Variants in LRMDA observed in about 807,000 individuals in gnomAD.
LRMDA encodes leucine-rich melanocyte differentiation-associated protein.
Under a neutral mutation model 29.8 loss-of-function variants are expected in LRMDA, and 18 were observed. The ratio of observed to expected loss-of-function variants is 0.60; its 90% confidence interval spans 0.42 to 0.90. The LOEUF (loss-of-function observed/expected upper bound fraction) is 0.90, where lower values mean the gene tolerates loss of function less well. Ranked by LOEUF, LRMDA falls within the 40% of genes least tolerant of loss-of-function variation. LRMDA has a pLI of 0.00. For synonymous variants in LRMDA, 125 were observed against 109.4 expected (o/e 1.14, Z -0.89); for missense variants, 273 against 273.9 (o/e 1.00, Z 0.02).
At chr10:76,289,527 G>C (rs113413620) in intron 5 of LRMDA, among the ~76,000 whole-genome samples, 364 of 152,220 alleles carry the variant, frequency 2.4e-3, no homozygotes, top group African/African-American at 8.4e-3. Flanking sequence ...AGTTTATAAG[G>C]AGTTCAATAT....
intron 5 of LRMDA, among the ~76,000 whole-genome samples, chr10:76,250,537 T>C (rs1175344393): frequency 6.6e-6 from 1 of 152,192 alleles, no homozygotes; most frequent in East Asian, 1.9e-4. Context: ...AGGGTATCCG[T>C]TTCTCATCAT....
chr10:75,721,990 C>G (rs887491804), intron 2 of LRMDA, among the ~76,000 whole-genome samples: 1 of 151,974 alleles, frequency 6.6e-6, no homozygotes, highest in East Asian at 1.9e-4. Flanking sequence ...TTTTTTGACA[C>G]TTTTTTTTGG....
At chr10:76,405,286 CAG>C (rs1841891051) in intron 6 of LRMDA, among the ~76,000 whole-genome samples, 3 of 152,208 alleles carry the variant, frequency 2.0e-5, no homozygotes, top group Non-Finnish European at 2.9e-5. Context: ...GACTTGAAGA[CAG>C]AGGAAAGAAA....
At chr10:75,908,686 T>C (rs1845796952) in intron 2 of LRMDA, among the ~76,000 whole-genome samples, 1 of 152,176 alleles carries the variant, frequency 6.6e-6, no homozygotes, top group Non-Finnish European at 1.5e-5. Flanking sequence ...TGGAGCGTTG[T>C]TGCTGGGACT....
rs542919354 is a variant in LRMDA at position 75,737,078 on chromosome 10, C to T, written c.131+298584C>T. Among the ~76,000 whole-genome samples, 27 of 151,456 alleles carry T rather than the reference C, an allele frequency of 1.8e-4. No homozygotes were observed. The South Asian group carries it at 4.4e-3, about 25-fold the overall frequency. On this transcript the variant is annotated intron_variant, in intron 2 of 6. Transcript: ENST00000611255. ...GCACGCACGCACACACACACACACA[C>T]GCACATGCATGCACACACACACATG...
intron 2 of LRMDA, among the ~76,000 whole-genome samples, chr10:75,909,954 G>A (rs193109851): frequency 6.6e-6 from 1 of 152,082 alleles, no homozygotes; most frequent in African/African-American, 2.4e-5. Flanking sequence ...TGAAACCTCC[G>A]GTAGCTAATC....
intron 6 of LRMDA, among the ~76,000 whole-genome samples, chr10:76,436,813 T>C (rs1361873422): frequency 6.6e-6 from 1 of 152,208 alleles, no homozygotes; most frequent in Non-Finnish European, 1.5e-5. Flanking sequence ...GGCTGTGTTC[T>C]GATTGAGTTT....
intron 6 of LRMDA, among the ~76,000 whole-genome samples, chr10:76,429,235 C>G (rs1440661486): frequency 6.6e-6 from 1 of 152,086 alleles, no homozygotes; most frequent in East Asian, 1.9e-4. Flanking sequence ...ATGTCATGGA[C>G]TTAGCTCACC....
At chr10:76,324,911 A>G (rs189552350) in intron 6 of LRMDA, among the ~76,000 whole-genome samples, 3 of 152,284 alleles carry the variant, frequency 2.0e-5, no homozygotes, top group East Asian at 1.9e-4. Flanking sequence ...AGGAATTCCA[A>G]TTTGCCTGGC....
At chr10:75,898,620 A>G (rs1469507732) in intron 2 of LRMDA, among the ~76,000 whole-genome samples, 1 of 152,082 alleles carries the variant, frequency 6.6e-6, no homozygotes, top group Non-Finnish European at 1.5e-5. Context: ...GAAAAAAAAA[A>G]CACACATTTT....
chr10:75,805,604 G>T (rs1231451497), intron 2 of LRMDA, among the ~76,000 whole-genome samples: 1 of 152,100 alleles, frequency 6.6e-6, no homozygotes, highest in Admixed American at 6.6e-5. Context: ...GAGATTTTGG[G>T]TAGCTGAGAT....
Position 76,490,413 on chromosome 10 carries a change from C to G in LRMDA, c.602-66796C>G, listed in dbSNP as rs529499006. On this transcript the variant is annotated intron_variant, in intron 6 of 6. Transcript: ENST00000611255. ...TATTATTGTATTAGGGTCTCTCTCT[C>G]TCTCTCTCTCTTTAGCTCTAATATT... 2.1e-4 allele frequency among the ~76,000 whole-genome samples: 32 copies of G among 151,802 alleles called. No individual in the cohort carries two copies. In the South Asian group the frequency reaches 6.5e-3, roughly 31 times the overall value.
chr10:76,239,701 T>C (rs1420225052), intron 5 of LRMDA, among the ~76,000 whole-genome samples: 2 of 152,164 alleles, frequency 1.3e-5, no homozygotes, highest in Non-Finnish European at 2.9e-5. Context: ...CCATGCCATC[T>C]AACTTGTTCC....
chr10:76,113,033 A>C (rs1849607306), intron 5 of LRMDA, among the ~76,000 whole-genome samples: 1 of 152,158 alleles, frequency 6.6e-6, no homozygotes, highest in Admixed American at 6.5e-5. Context: ...AACCTCCTTA[A>C]TCCAGGCCTT....
chr10:76,169,807 A>G (rs1201650313), intron 5 of LRMDA, among the ~76,000 whole-genome samples: 1 of 152,194 alleles, frequency 6.6e-6, no homozygotes, highest in Non-Finnish European at 1.5e-5. Context: ...CTTAGTAGAA[A>G]TGGTAGACTC....
chr10:75,436,423 A>G (rs1268235868), intron 1 of LRMDA, among the ~76,000 whole-genome samples: 4 of 151,918 alleles, frequency 2.6e-5, no homozygotes, highest in Admixed American at 6.5e-5. Flanking sequence ...GGTGAGCGCC[A>G]TGGACCTGGG....
chr10:75,499,429 C>A (rs562463589), intron 2 of LRMDA, among the ~76,000 whole-genome samples: 1 of 152,136 alleles, frequency 6.6e-6, no homozygotes, highest in Non-Finnish European at 1.5e-5. Context: ...TACTCCCCAG[C>A]GGGATGAGCA....
chr10:76,232,798 A>G (rs369157936), intron 5 of LRMDA, among the ~76,000 whole-genome samples: 11 of 152,298 alleles, frequency 7.2e-5, no homozygotes, highest in African/African-American at 2.4e-4. Context: ...GAGGGGACAC[A>G]GGGGTGGTCC....
At chr10:76,077,953 A>G (rs935262615) in intron 5 of LRMDA, among the ~76,000 whole-genome samples, 2 of 143,806 alleles carry the variant, frequency 1.4e-5, no homozygotes, top group African/African-American at 5.3e-5. Context: ...GATATATTCA[A>G]CTTGTATTCT....
Sources: allele counts gnomAD v4.1 joint callset (sites outside exome capture counted in the v4.1 genomes callset), GRCh38; gene constraint gnomAD v4.1.1; transcripts MANE v1.5; gene names NCBI Gene and HGNC (gene_info 2026-07-23, HGNC 2026-07-21).